IFT74: variants seen among roughly 807,000 people sequenced by gnomAD.
IFT74 encodes the protein intraflagellar transport protein 74 homolog.
A neutral mutation model predicts 96.7 loss-of-function variants in IFT74; 92 were observed. That is an observed-to-expected ratio of 0.95 (90% CI 0.80 to 1.13). The LOEUF (loss-of-function observed/expected upper bound fraction) is 1.13. Ranked by LOEUF, IFT74 falls within the 50% of genes most tolerant of loss-of-function variation. IFT74 has a pLI of 0.00. For synonymous variants in IFT74, 223 were observed against 213.2 expected (o/e 1.05, Z -0.40); for missense variants, 811 against 698.2 (o/e 1.16, Z -1.82).
intron 16 of IFT74, among the ~76,000 whole-genome samples, chr9:27,049,912 TAA>T (rs1339993869): frequency 1.3e-5 from 2 of 152,086 alleles, no homozygotes; most frequent in African/African-American, 4.8e-5. Flanking sequence ...GTTGACAAAG[TAA>T]AAAGAGACAG....
upstream of IFT74, among the ~76,000 whole-genome samples, chr9:26,952,198 A>G (rs1825955467): frequency 6.6e-6 from 1 of 151,952 alleles, no homozygotes; most frequent in Non-Finnish European, 1.5e-5. Flanking sequence ...TAATTGCATA[A>G]TTCATTAAAA....
chr9:26,963,351 T>G (rs1020337994), intron 2 of IFT74, among the ~76,000 whole-genome samples: 6 of 151,964 alleles, frequency 3.9e-5, no homozygotes, highest in African/African-American at 1.2e-4. Flanking sequence ...CTTAATCCAG[T>G]CTATCATTGT....
At chr9:27,029,132 G>T in intron 13 of IFT74, 28 bp downstream of exon 13, 5 of 1,532,278 alleles carry the variant, frequency 3.3e-6, no homozygotes, top group Non-Finnish European at 4.5e-6. Flanking sequence ...TTATAATGTA[G>T]ATTAACAGAT....
At chr9:27,050,831 A>G (rs1471136478) in intron 16 of IFT74, among the ~76,000 whole-genome samples, 2 of 152,054 alleles carry the variant, frequency 1.3e-5, no homozygotes, top group African/African-American at 4.8e-5. Context: ...ACATGTATAC[A>G]TATGTAACAA....
At chr9:27,025,976 A>G (rs571301459) in intron 12 of IFT74, among the ~76,000 whole-genome samples, 3 of 152,328 alleles carry the variant, frequency 2.0e-5, no homozygotes, top group Non-Finnish European at 2.9e-5. Flanking sequence ...ATAGAACAAT[A>G]CCACATATCT....
At chr9:27,030,310 TC>T (rs1830061225) in intron 13 of IFT74, among the ~76,000 whole-genome samples, 1 of 152,118 alleles carries the variant, frequency 6.6e-6, no homozygotes, top group Non-Finnish European at 1.5e-5. Context: ...CACTGCAACC[TC>T]AGACTCTTGG....
At chr9:27,008,996 A>G (rs1050175543) in intron 8 of IFT74, 24 bp from the exon 9 acceptor site, 1 of 1,592,264 alleles carries the variant, frequency 6.3e-7, no homozygotes, top group Admixed American at 1.7e-5. Context: ...TAGTATCAGG[A>G]ATATTACGTG....
At chr9:27,045,009 G>A (rs148804086) in intron 14 of IFT74, among the ~76,000 whole-genome samples, 1 of 152,256 alleles carries the variant, frequency 6.6e-6, no homozygotes, top group Non-Finnish European at 1.5e-5. Context: ...TATACGTTGG[G>A]GCTAGATTCT....
At chr9:26,953,183 A>T (rs1825986192), upstream of IFT74, among the ~76,000 whole-genome samples, 1 of 152,156 alleles carries the variant, frequency 6.6e-6, no homozygotes, top group South Asian at 2.1e-4. Flanking sequence ...ACTCTCTGAG[A>T]AGGTTTTTTT....
intron 9 of IFT74, among the ~76,000 whole-genome samples, chr9:27,010,164 T>C (rs552475065): frequency 2.8e-4 from 43 of 151,416 alleles, no homozygotes; most frequent in South Asian, 1.7e-3. Context: ...ATTTTTTGTA[T>C]TTTTTTAGTA....
chr9:27,017,272 G>C (rs1210868375), intron 11 of IFT74, among the ~76,000 whole-genome samples: 2 of 151,782 alleles, frequency 1.3e-5, no homozygotes, highest in Non-Finnish European at 2.9e-5. Flanking sequence ...ACCCAGGCTG[G>C]AGCACAGTGG....
At chr9:26,986,775 A>G (rs144541885) in intron 6 of IFT74, among the ~76,000 whole-genome samples, 331 of 152,152 alleles carry the variant, frequency 2.2e-3, no homozygotes, top group Non-Finnish European at 4.0e-3. Context: ...GGTGCATGCC[A>G]GCATGCCTGG....
intron 6 of IFT74, among the ~76,000 whole-genome samples, chr9:26,987,899 A>G (rs1390071970): frequency 2.6e-5 from 4 of 152,124 alleles, no homozygotes; most frequent in African/African-American, 4.8e-5. Flanking sequence ...TTATTAGAAG[A>G]TAAAGAATAT....
chr9:26,982,467 T>TTTG, intron 4 of IFT74: 1 of 379,420 alleles, frequency 2.6e-6, no homozygotes, highest in Non-Finnish European at 5.1e-6. Flanking sequence ...TTTTTTTTTT[T>TTTG]TTTTTTGAGA....
At chr9:27,061,709 T>C (rs1484710347) in intron 19 of IFT74, among the ~76,000 whole-genome samples, 1 of 142,082 alleles carries the variant, frequency 7.0e-6, no homozygotes, top group Non-Finnish European at 1.5e-5. Flanking sequence ...ACATAATATA[T>C]AATATATAGT....
chr9:27,062,484 T>C (rs1162232299), intron 19 of IFT74, 134 bp from the exon 20 acceptor site: 1 of 562,096 alleles, frequency 1.8e-6, no homozygotes, highest in Non-Finnish European at 3.1e-6. Context: ...TAAAATGATG[T>C]ACTGTATTTT....
At chr9:27,022,107 T>G (rs991042619) in intron 12 of IFT74, among the ~76,000 whole-genome samples, 25 of 151,906 alleles carry the variant, frequency 1.6e-4, no homozygotes, top group African/African-American at 5.6e-4. Context: ...CCACCTTATG[T>G]TTTTTTTGCT....
intron 12 of IFT74, among the ~76,000 whole-genome samples, chr9:27,028,062 C>T (rs1231716536): frequency 6.6e-6 from 1 of 152,062 alleles, no homozygotes; most frequent in Non-Finnish European, 1.5e-5. Context: ...CTCTTCTTTC[C>T]CCATTTAATT....
intron 8 of IFT74, chr9:26,995,249 T>C: frequency 4.2e-6 from 1 of 235,786 alleles, no homozygotes; most frequent in African/African-American, 2.2e-5. Flanking sequence ...TTTAGACCTT[T>C]TTACTAGTTC....
Sources: gnomAD v4.1 joint callset for allele counts (sites outside exome capture counted in the v4.1 genomes callset) on GRCh38, gnomAD v4.1.1 for gene constraint, MANE v1.5 for transcripts, NCBI Gene and HGNC (gene_info 2026-07-23, HGNC 2026-07-21) for gene names.